The following CUL1 variants were observed in gnomAD, a reference collection of about 807,000 sequenced individuals.
CUL1 encodes cullin-1.
In CUL1, 24 loss-of-function variants were observed where a neutral mutation model predicts 118.0. That is an observed-to-expected ratio of 0.20 (90% confidence interval 0.15 to 0.29). CUL1 has a LOEUF of 0.29. Among genes scored for constraint, CUL1 ranks in the 10% least tolerant of loss-of-function variants. The pLI, the probability that CUL1 is intolerant of heterozygous loss-of-function variation, is 1.00. For missense variants in CUL1, 361 were observed against 933.8 expected, an observed-to-expected ratio of 0.39 and a Z score of 7.99; for synonymous variants, 332 against 340.4, an observed-to-expected ratio of 0.98 and a Z score of 0.27.
intron 11 of CUL1, among the ~76,000 whole-genome samples, chr7:148,784,537 A>G (rs1800756335): frequency 6.6e-6 from 1 of 152,216 alleles, no homozygotes; most frequent in East Asian, 1.9e-4. Flanking sequence ...GAAGCAATAT[A>G]ATATATAGCT....
chr7:148,712,537 A>G (rs991812246), intron 1 of CUL1, among the ~76,000 whole-genome samples: 1 of 152,244 alleles, frequency 6.6e-6, no homozygotes, highest in Non-Finnish European at 1.5e-5. Flanking sequence ...TTTGACTTCA[A>G]AAATAAGCAT....
chr7:148,712,676 G>A (rs944563645), intron 1 of CUL1, among the ~76,000 whole-genome samples: 1 of 152,096 alleles, frequency 6.6e-6, no homozygotes, highest in African/African-American at 2.4e-5. Context: ...TTTTATTTTC[G>A]TAACTCACTT....
chr7:148,709,248 T>C (rs1293227111), intron 1 of CUL1, among the ~76,000 whole-genome samples: 1 of 152,228 alleles, frequency 6.6e-6, no homozygotes, highest in African/African-American at 2.4e-5. Context: ...ACTGCGTATA[T>C]GCGCATACAT....
intron 2 of CUL1, among the ~76,000 whole-genome samples, chr7:148,739,565 C>T (rs942861499): frequency 3.9e-5 from 6 of 152,130 alleles, no homozygotes; most frequent in African/African-American, 1.4e-4. Flanking sequence ...CTTTCGCCTC[C>T]TGTTTTTTCC....
intron 1 of CUL1, among the ~76,000 whole-genome samples, chr7:148,725,219 GC>G (rs1798534000): frequency 7.1e-6 from 1 of 140,060 alleles, no homozygotes; most frequent in African/African-American, 2.8e-5. Flanking sequence ...ACACGCGCGC[GC>G]TCACACACAC....
At chr7:148,717,347 G>A (rs1057350928) in intron 1 of CUL1, among the ~76,000 whole-genome samples, 1 of 152,070 alleles carries the variant, frequency 6.6e-6, no homozygotes, top group Admixed American at 6.5e-5. Flanking sequence ...TACCATGCCC[G>A]GCCTTGTTTT....
intron 1 of CUL1, among the ~76,000 whole-genome samples, chr7:148,728,524 G>C (rs1798657840): frequency 6.6e-6 from 1 of 152,178 alleles, no homozygotes; most frequent in Admixed American, 6.5e-5. Flanking sequence ...TCCCCAAGTA[G>C]ATGATGAAAG....
chr7:148,738,575 G>T (rs1161435361), intron 2 of CUL1, among the ~76,000 whole-genome samples: 1 of 152,122 alleles, frequency 6.6e-6, no homozygotes, highest in Non-Finnish European at 1.5e-5. Flanking sequence ...CTGCTTTCTG[G>T]CCAAAGAAGC....
intron 20 of CUL1, 138 bp downstream of exon 20, chr7:148,798,815 A>C (rs900441144): frequency 3.1e-5 from 23 of 737,942 alleles, no homozygotes; most frequent in Non-Finnish European, 5.3e-5. Flanking sequence ...AGAAGGTGGC[A>C]AGGCCGAGAG....
intron 17 of CUL1, among the ~76,000 whole-genome samples, chr7:148,794,338 A>G (rs912922349): frequency 2.0e-4 from 31 of 151,960 alleles, no homozygotes; most frequent in African/African-American, 5.8e-4. Context: ...TTCTCTCCCT[A>G]TTGTTTGGTG....
chr7:148,800,751 G>C lies in CUL1; in HGVS notation c.*169G>C. 1.7e-6 allele frequency: 1 copy of C among 585,084 alleles called. No individual in the cohort carries two copies. Among genetic ancestry groups the C allele is most frequent in the Non-Finnish European group, 3.0e-6 (1 of 328,204 alleles). The allele number at this position is 585,084 out of a possible 1,614,324, so 36.2% of individuals were successfully genotyped here. On this transcript the variant is annotated 3_prime_UTR_variant, in exon 22 of 22. Transcript: ENST00000325222. This position sits in a 1 kb window ranked among gnomAD's most constrained non-coding sequence, Gnocchi z 4.6. Reference sequence around the variant, plus strand: ...CTCGGATTTACATCGGAACTGCTCAGGATTGATACATTTCAAGTCTGTAAA... The same window carrying C: ...CTCGGATTTACATCGGAACTGCTCACGATTGATACATTTCAAGTCTGTAAA...
chr7:148,773,814 C>T (rs1269216034), intron 9 of CUL1, among the ~76,000 whole-genome samples: 1 of 152,156 alleles, frequency 6.6e-6, no homozygotes, highest in Non-Finnish European at 1.5e-5. Flanking sequence ...TCTCAGTCAC[C>T]TTGGAATGGT....
intron 9 of CUL1, chr7:148,783,296 G>C: frequency 7.1e-6 from 7 of 983,762 alleles, no homozygotes; most frequent in Non-Finnish European, 8.4e-6. Context: ...TCGCCACGCG[G>C]ATCCGCGCCT....
chr7:148,718,434 G>C lies in CUL1; in HGVS notation c.-161-11528G>C, dbSNP rs770875825. ...GCTACTAACCTGCTTTGTCTCTATA[G>C]ATTTGCCTATTCTGGACATTTCATG... On this transcript the variant is annotated intron_variant, in intron 1 of 21. Transcript: ENST00000325222. Among the ~76,000 whole-genome samples the C allele has an allele frequency of 5.3e-5, 8 of 152,120 alleles. 1 individual carries two copies. The South Asian group carries it at 1.2e-3, about 24-fold the overall frequency.
intron 16 of CUL1, among the ~76,000 whole-genome samples, chr7:148,790,778 G>C (rs1219125592): frequency 3.3e-5 from 5 of 152,186 alleles, no homozygotes; most frequent in Non-Finnish European, 5.9e-5. Context: ...TGTTCAGGTA[G>C]TGACTTCAAA....
chr7:148,700,240 C>T (rs1018687923), intron 1 of CUL1, among the ~76,000 whole-genome samples: 2 of 152,150 alleles, frequency 1.3e-5, no homozygotes, highest in African/African-American at 4.8e-5. Context: ...GTGGAGTAAA[C>T]GATCACACTT....
Position 148,797,116 on chromosome 7 carries a change from G to A in CUL1, c.1900-696G>A, listed in dbSNP as rs115200218. ...ATTCACAGATGAGAGGCCACACAAC[G>A]TGCTTGAGTGCATCAAAGGCAAGTT... On this transcript the variant is annotated intron_variant, in intron 17 of 21. Coordinates refer to ENST00000325222, the MANE Select transcript of CUL1 (RefSeq NM_003592.3). Among the ~76,000 whole-genome samples, 187 of 152,248 alleles carry A rather than the reference G, an allele frequency of 1.2e-3. 1 individual carries two copies. Among genetic ancestry groups the A allele is most frequent in the African/African-American group, 4.4e-3 (183 of 41,556 alleles).
chr7:148,766,834 A>T (rs1800021868), intron 8 of CUL1, 111 bp downstream of exon 8: 2 of 926,606 alleles, frequency 2.2e-6, no homozygotes, highest in East Asian at 2.6e-5. Flanking sequence ...TGTCAGTTTT[A>T]AAAAGATGCA....
chr7:148,740,181 TAGCTG>T (rs1406547573), intron 2 of CUL1, among the ~76,000 whole-genome samples: 21 of 151,988 alleles, frequency 1.4e-4, no homozygotes. Context: ...GCCTCCTGAG[TAGCTG>T]GGATTACAGA....
Sources: allele counts gnomAD v4.1 joint callset (sites outside exome capture counted in the v4.1 genomes callset), GRCh38; gene constraint gnomAD v4.1.1; non-coding constraint Gnocchi (gnomAD v3.1); transcripts MANE v1.5; gene names NCBI Gene and HGNC (gene_info 2026-07-23, HGNC 2026-07-21).